The following CTNND1 variants were observed in gnomAD, a reference collection of about 807,000 sequenced individuals.
CTNND1 encodes the protein catenin delta-1.
Under a neutral mutation model 112.1 loss-of-function variants are expected in CTNND1, and 16 were observed. The ratio of observed to expected loss-of-function variants is 0.14; its 90% CI spans 0.10 to 0.22. The LOEUF is 0.22. Ranked by LOEUF, CTNND1 falls within the 10% of genes least tolerant of loss-of-function variation. The pLI is 1.00. For synonymous variants in CTNND1, 420 were observed against 446.5 expected (o/e 0.94, Z 0.75); for missense variants, 1,008 against 1,257.0 (o/e 0.80, Z 3.00).
At chr11:57,795,006 C>T (rs1209956278) in intron 4 of CTNND1, among the ~76,000 whole-genome samples, 1 of 151,854 alleles carries the variant, frequency 6.6e-6, no homozygotes, top group African/African-American at 2.4e-5. Context: ...CAAGACCAGC[C>T]TGGGCAACAT....
chr11:57,791,561 G>C lies in CTNND1; in HGVS notation c.83G>C (p.Arg28Pro), dbSNP rs775113600. The change falls in exon 3 of 21, where the codon CGG (arginine) becomes CCG (proline). Residue 28 changes from arginine (R) to proline (P), a missense_variant. Physicochemically the swap from Arg to Pro is moderately radical, Grantham distance 103. Around this residue, in one of 5 missense-constraint regions of CTNND1, gnomAD observed 404 missense variants for 457.9 expected, o/e 0.88. Coordinates refer to ENST00000399050, the MANE Select transcript of CTNND1 (RefSeq NM_001085458.2). ...GAGGCCCAGTTTGAGAAGCTGACCC[G>C]GGCGCTGGAGGAGGAACGGCGCCAC... is the stretch of plus-strand genomic sequence containing the variant. Reference protein sequence around the residue: ...EQEAQFEKLTRALEEERRHVS... With the variant: ...EQEAQFEKLTPALEEERRHVS... 6.2e-7 allele frequency: 1 copy of C among 1,610,548 alleles called. No individual in the cohort carries two copies. The highest frequency in any genetic ancestry group is 1.3e-5 in the African/African-American group (1 of 74,724).
intron 12 of CTNND1, among the ~76,000 whole-genome samples, 154 bp from the exon 13 acceptor site, chr11:57,808,011 G>A (rs116958288): frequency 1.3e-5 from 2 of 152,284 alleles, no homozygotes; most frequent in Non-Finnish European, 2.9e-5. Flanking sequence ...TGGCCTCTAA[G>A]TTTGCTGTAG....
In CTNND1 at chr11:57,814,726, A is replaced by G. The variant is rs142775536; in HGVS notation, c.2701+353A>G. ...GCTTGCTATTCTATCTATTCACTCT[A>G]TAGTTTGATTCTGCTCATGTAATAC... On this transcript the variant is annotated intron_variant, in intron 18 of 20. Coordinates refer to ENST00000399050, the MANE Select transcript of CTNND1 (RefSeq NM_001085458.2). Among the ~76,000 whole-genome samples the G allele has an allele frequency of 7.2e-5, 11 of 152,158 alleles. No individual in the cohort carries two copies. In the South Asian group the frequency reaches 1.7e-3, roughly 23 times the overall value.
At position 57,806,897 on chromosome 11, in the gene CTNND1, C is replaced by A. The variant is rs778425054; in HGVS notation, c.1895-18C>A. On this transcript the variant is annotated intron_variant, in intron 11 of 20. Coordinates refer to ENST00000399050, the MANE Select transcript of CTNND1 (RefSeq NM_001085458.2). ...TAAACTGGCTTACCCCTTTTCCCGC[C>A]CTTTTTCATTTTTGTAGGGAAAAAA... The A allele has an allele frequency of 6.3e-7, 1 of 1,579,570 alleles. No individual in the cohort carries two copies. Among genetic ancestry groups the A allele is most frequent in the Non-Finnish European group, 8.6e-7 (1 of 1,161,336 alleles).
chr11:57,780,079 G>T (rs1459137617), intron 1 of CTNND1, among the ~76,000 whole-genome samples: 2 of 124,578 alleles, frequency 1.6e-5, no homozygotes, highest in African/African-American at 5.7e-5. Context: ...TTTGAGACAG[G>T]GTCTTACTCT....
intron 6 of CTNND1, among the ~76,000 whole-genome samples, chr11:57,799,548 G>A (rs2061745231): frequency 1.3e-5 from 2 of 152,192 alleles, no homozygotes; most frequent in Non-Finnish European, 2.9e-5. Flanking sequence ...AGTGGAAAAA[G>A]CACTGAACCC....
chr11:57,819,153 T>C lies in CTNND1; in HGVS notation c.*2845T>C, dbSNP rs1161760344. On this transcript the variant is annotated 3_prime_UTR_variant, in exon 21 of 21. Coordinates refer to ENST00000399050, the MANE Select transcript of CTNND1 (RefSeq NM_001085458.2). ...AATGCTTTCTGTATGCCCAAATCTT[T>C]AGATTAAAATTATATAGCTGCTCCT... The C allele has an allele frequency of 6.6e-6, 1 of 152,228 alleles. No individual in the cohort carries two copies. The highest frequency in any genetic ancestry group is 1.5e-5 in the Non-Finnish European group (1 of 68,036). The allele number at this position is 152,228 out of a possible 1,614,324, so 9.4% of individuals were successfully genotyped here.
intron 1 of CTNND1, among the ~76,000 whole-genome samples, chr11:57,776,106 G>C (rs866236883): frequency 6.6e-6 from 1 of 152,160 alleles, no homozygotes; most frequent in Admixed American, 6.5e-5. Context: ...TTTTTGAATT[G>C]AGCCAAGAAA....
intron 1 of CTNND1, among the ~76,000 whole-genome samples, chr11:57,765,416 T>TAA (rs955748331): frequency 6.6e-6 from 1 of 152,102 alleles, no homozygotes; most frequent in Non-Finnish European, 1.5e-5. Context: ...TTGCAACTTT[T>TAA]ACTGTAGTCT....
Position 57,802,009 on chromosome 11 carries a change from A to G in CTNND1, c.1233A>G (p.Pro411=), listed in dbSNP as rs760079351. The change falls in exon 7 of 21, where the codon CCA becomes CCG. Residue 411 remains proline (P), a synonymous_variant. Coordinates refer to ENST00000399050, the MANE Select transcript of CTNND1 (RefSeq NM_001085458.2). ...KTDVRKLKGI[P]VLVGLLDHPK... is the part of the protein sequence containing the mutation. Reference sequence around the variant, plus strand: ...ACGTGCGGAAGCTCAAGGGCATCCCAGTACTGGTGGGATTGTTAGACCATC... The same window carrying G: ...ACGTGCGGAAGCTCAAGGGCATCCCGGTACTGGTGGGATTGTTAGACCATC... 64 of 1,613,938 alleles carry G rather than the reference A, an allele frequency of 4.0e-5. No individual in the cohort carries two copies. The highest frequency in any genetic ancestry group is 5.3e-5 in the Non-Finnish European group (63 of 1,179,906).
At chr11:57,780,528 A>G (rs865963120) in intron 1 of CTNND1, among the ~76,000 whole-genome samples, 1 of 152,242 alleles carries the variant, frequency 6.6e-6, no homozygotes, top group African/African-American at 2.4e-5. Context: ...TATTTATAAA[A>G]AGAGGCCATT....
chr11:57,781,851 C>T (rs943354139), intron 1 of CTNND1, among the ~76,000 whole-genome samples: 1 of 152,102 alleles, frequency 6.6e-6, no homozygotes, highest in Non-Finnish European at 1.5e-5. Flanking sequence ...CCCTTTCAGT[C>T]CTGGGCCCCC....
At chr11:57,805,492 C>T (rs2062554190) in intron 9 of CTNND1, among the ~76,000 whole-genome samples, 1 of 152,160 alleles carries the variant, frequency 6.6e-6, no homozygotes, top group South Asian at 2.1e-4. Flanking sequence ...ATCCACCCGC[C>T]TCGGCCTCCC....
intron 1 of CTNND1, among the ~76,000 whole-genome samples, chr11:57,762,736 A>G (rs149901133): frequency 2.9e-4 from 44 of 152,276 alleles, no homozygotes; most frequent in African/African-American, 1.0e-3. Context: ...AAAAGAAAAC[A>G]AATGGAACCA....
chr11:57,797,939 T>C (rs1337643415), intron 6 of CTNND1, among the ~76,000 whole-genome samples: 1 of 151,990 alleles, frequency 6.6e-6, no homozygotes, highest in Non-Finnish European at 1.5e-5. Flanking sequence ...TTTTTGCTGT[T>C]TCTGGCTAAG....
chr11:57,805,390 C>T (rs2062537618), intron 9 of CTNND1, among the ~76,000 whole-genome samples: 1 of 151,864 alleles, frequency 6.6e-6, no homozygotes, highest in African/African-American at 2.4e-5. Flanking sequence ...ATTACAGGCA[C>T]CTGCCACCAT....
intron 7 of CTNND1, 39 bp from the exon 8 acceptor site, chr11:57,803,582 T>C (rs1335313544): frequency 6.5e-7 from 1 of 1,529,842 alleles, no homozygotes; most frequent in Non-Finnish European, 8.9e-7. Flanking sequence ...CATATTGTCT[T>C]GAATGCTCAA....
chr11:57,798,806 G>A (rs767559164), intron 6 of CTNND1, among the ~76,000 whole-genome samples: 1 of 152,182 alleles, frequency 6.6e-6, no homozygotes, highest in Non-Finnish European at 1.5e-5. Context: ...CATCTTTGTC[G>A]TATGTTGTTC....
intron 1 of CTNND1, among the ~76,000 whole-genome samples, chr11:57,775,170 A>G (rs555397595): frequency 6.6e-6 from 1 of 152,164 alleles, no homozygotes; most frequent in East Asian, 1.9e-4. Context: ...TTAAGCTTAC[A>G]TGTATATGTT....
Sources: allele counts gnomAD v4.1 joint callset (sites outside exome capture counted in the v4.1 genomes callset), GRCh38; gene constraint gnomAD v4.1.1; regional missense constraint gnomAD v4.1.1; transcripts MANE v1.5; gene names NCBI Gene and HGNC (gene_info 2026-07-23, HGNC 2026-07-21).